Variants in ASTN2 observed in about 807,000 individuals in gnomAD.
ASTN2 encodes the protein astrotactin-2.
In ASTN2, 54 loss-of-function variants were observed where a neutral mutation model predicts 139.8. The ratio of observed to expected loss-of-function variants is 0.39; its 90% CI spans 0.31 to 0.48. The LOEUF (loss-of-function observed/expected upper bound fraction) is 0.48. ASTN2 is among the 20% of genes least tolerant of loss of function. ASTN2 has a pLI of 0.95. For missense variants in ASTN2, 1,565 were observed against 1,725.1 expected (o/e 0.91, Z 1.64); for synonymous variants, 756 against 719.5 (o/e 1.05, Z -0.81).
intron 2 of ASTN2, among the ~76,000 whole-genome samples, chr9:117,282,572 A>G (rs1834350096): frequency 6.6e-6 from 1 of 152,188 alleles, no homozygotes; most frequent in African/African-American, 2.4e-5. Flanking sequence ...CCCCTGTAAA[A>G]GAATTGCACA....
intron 22 of ASTN2, among the ~76,000 whole-genome samples, chr9:116,436,182 T>C (rs1020127667): frequency 2.6e-5 from 4 of 151,982 alleles, no homozygotes; most frequent in African/African-American, 4.8e-5. Flanking sequence ...GTGAGATCTC[T>C]TCAAGTCTTT....
At chr9:116,815,931 A>T (rs1279242969) in intron 12 of ASTN2, among the ~76,000 whole-genome samples, 1 of 152,054 alleles carries the variant, frequency 6.6e-6, no homozygotes, top group Non-Finnish European at 1.5e-5. Flanking sequence ...AAACAAAACA[A>T]AACAAAAAAA....
intron 3 of ASTN2, among the ~76,000 whole-genome samples, chr9:117,196,021 C>G (rs1831491922): frequency 6.6e-6 from 1 of 152,126 alleles, no homozygotes; most frequent in South Asian, 2.1e-4. Flanking sequence ...ATTAGCTCTC[C>G]CTAAGCTTTT....
intron 1 of ASTN2, among the ~76,000 whole-genome samples, chr9:117,362,534 G>A (rs1488673762): frequency 6.6e-6 from 1 of 152,090 alleles, no homozygotes; most frequent in Non-Finnish European, 1.5e-5. Flanking sequence ...CCTCAACAGT[G>A]GGTGAGGGGG....
rs368446165 is a variant in ASTN2 at position 117,035,862 on chromosome 9, G to C, written c.1423+3957C>G. Among the ~76,000 whole-genome samples, 54 of 152,300 alleles carry C rather than the reference G, an allele frequency of 3.5e-4. 1 individual carries two copies. The South Asian group carries it at 8.7e-3, about 25-fold the overall frequency. On this transcript the variant is annotated intron_variant, in intron 6 of 22. Coordinates refer to ENST00000313400, the MANE Select transcript of ASTN2 (RefSeq NM_001365068.1). ...GAAAGTCACTTTTGGCTGGAACAGAGCATATAATGTATTCCCTTTTCCATT... is the reference window on the plus strand; with the variant it reads ...GAAAGTCACTTTTGGCTGGAACAGACCATATAATGTATTCCCTTTTCCATT...
intron 10 of ASTN2, among the ~76,000 whole-genome samples, chr9:116,923,699 G>A (rs933874371): frequency 6.6e-6 from 1 of 152,140 alleles, no homozygotes; most frequent in Admixed American, 6.6e-5. Context: ...AAAAAGAGCT[G>A]GAGGGTGGAA....
intron 2 of ASTN2, among the ~76,000 whole-genome samples, chr9:117,262,089 G>T (rs1033452157): frequency 6.6e-5 from 10 of 152,130 alleles, no homozygotes; most frequent in African/African-American, 2.4e-4. Context: ...ATAAACAAAA[G>T]AGTAAATCTG....
chr9:116,776,072 C>T (rs1282441379), intron 13 of ASTN2, among the ~76,000 whole-genome samples: 3 of 152,166 alleles, frequency 2.0e-5, no homozygotes, highest in Admixed American at 6.5e-5. Flanking sequence ...TCTAAATGGA[C>T]AAGCACTAAT....
intron 1 of ASTN2, among the ~76,000 whole-genome samples, chr9:117,314,452 C>A (rs1249837066): frequency 1.3e-5 from 2 of 151,506 alleles, no homozygotes; most frequent in Non-Finnish European, 2.9e-5. Context: ...AAAATATGAG[C>A]CAAGGACCTG....
At chr9:116,818,054 TAAA>T (rs56278080) in intron 12 of ASTN2, among the ~76,000 whole-genome samples, 4 of 151,438 alleles carry the variant, frequency 2.6e-5, no homozygotes, top group Non-Finnish European at 5.9e-5. Flanking sequence ...GTGCTTTTTT[TAAA>T]AAAAAAAAAC....
intron 17 of ASTN2, among the ~76,000 whole-genome samples, chr9:116,632,256 A>AAGGAAGGAAG (rs1564169372): frequency 3.9e-4 from 40 of 103,120 alleles, no homozygotes; most frequent in African/African-American, 1.8e-3. Context: ...AAAGAAGGAA[A>AAGGAAGGAAG]GAAAGAAAGA....
intron 6 of ASTN2, among the ~76,000 whole-genome samples, chr9:117,027,007 T>C (rs1428232637): frequency 6.6e-6 from 1 of 152,112 alleles, no homozygotes; most frequent in Admixed American, 6.5e-5. Context: ...GCCCAGACTC[T>C]TAACCAAATT....
intron 7 of ASTN2, among the ~76,000 whole-genome samples, chr9:116,978,589 A>C (rs1836423869): frequency 6.6e-6 from 1 of 152,018 alleles, no homozygotes; most frequent in African/African-American, 2.4e-5. Context: ...AAAGTTTTCA[A>C]ATCATGTCCA....
At chr9:116,468,655 G>A (rs188151886) in intron 20 of ASTN2, among the ~76,000 whole-genome samples, 10 of 152,284 alleles carry the variant, frequency 6.6e-5, no homozygotes, top group Non-Finnish European at 1.3e-4. Flanking sequence ...TGTTGCTAGT[G>A]TATTAGCCAG....
intron 5 of ASTN2, among the ~76,000 whole-genome samples, chr9:117,082,483 T>C (rs1828454227): frequency 6.6e-6 from 1 of 152,200 alleles, no homozygotes; most frequent in Non-Finnish European, 1.5e-5. Context: ...CTTCCAGTTC[T>C]TTCTCTTCTG....
chr9:117,109,064 C>T (rs989309185), intron 4 of ASTN2, among the ~76,000 whole-genome samples: 1 of 152,178 alleles, frequency 6.6e-6, no homozygotes, highest in East Asian at 1.9e-4. Context: ...GTGGGCGGAT[C>T]ACTTGAGGCC....
At chr9:116,933,746 G>A (rs1834978661) in intron 10 of ASTN2, among the ~76,000 whole-genome samples, 1 of 151,926 alleles carries the variant, frequency 6.6e-6, no homozygotes, top group African/African-American at 2.4e-5. Context: ...GAACCCACAT[G>A]AGTCTGTACA....
intron 3 of ASTN2, among the ~76,000 whole-genome samples, chr9:117,154,553 C>A (rs1286649970): frequency 6.6e-6 from 1 of 152,042 alleles, no homozygotes; most frequent in Non-Finnish European, 1.5e-5. Flanking sequence ...TATCTTAAAG[C>A]ATTTGGTAAG....
chr9:117,017,920 G>A (rs759174803), intron 6 of ASTN2, among the ~76,000 whole-genome samples: 9 of 151,204 alleles, frequency 6.0e-5, no homozygotes, highest in Non-Finnish European at 1.3e-4. Flanking sequence ...GTGCAACATG[G>A]TGATCCTCCT....
Sources: allele counts gnomAD v4.1 joint callset (sites outside exome capture counted in the v4.1 genomes callset), GRCh38; gene constraint gnomAD v4.1.1; transcripts MANE v1.5; gene names NCBI Gene and HGNC (gene_info 2026-07-23, HGNC 2026-07-21).